Variants in TG observed in about 807,000 individuals in gnomAD.
TG encodes the protein thyroglobulin, also known as thyroid hormones.
In TG, 270 loss-of-function variants were observed where a neutral mutation model predicts 324.7. The observed-to-expected ratio is 0.83, with a 90% confidence interval of 0.75 to 0.92. The LOEUF (loss-of-function observed/expected upper bound fraction) is 0.92, where lower values mean the gene tolerates loss of function less well. Ranked by LOEUF, TG falls within the 40% of genes least tolerant of loss-of-function variation. The pLI, the probability that TG is intolerant of heterozygous loss-of-function variation, is 0.00. For synonymous variants in TG, 1,401 were observed against 1,327.0 expected, an observed-to-expected ratio of 1.06 and a Z score of -1.21; for missense variants, 3,591 against 3,456.4, an observed-to-expected ratio of 1.04 and a Z score of -0.98.
At chr8:132,906,230 CA>C (rs1818658390) in intron 16 of TG, among the ~76,000 whole-genome samples, 1 of 152,066 alleles carries the variant, frequency 6.6e-6, no homozygotes, top group Admixed American at 6.6e-5. Flanking sequence ...GTGACCAAGA[CA>C]GAGGAGATGA....
chr8:133,117,862 C>T (rs1364675797), intron 45 of TG, among the ~76,000 whole-genome samples: 1 of 152,206 alleles, frequency 6.6e-6, no homozygotes, highest in Non-Finnish European at 1.5e-5. Context: ...GGTCCAGCCA[C>T]ACCATATACC....
intron 41 of TG, chr8:133,049,947 C>A: frequency 6.2e-7 from 1 of 1,613,712 alleles, no homozygotes; most frequent in Non-Finnish European, 8.5e-7. Context: ...GTAACTCTCT[C>A]GACCAGTGCT....
chr8:132,900,400 G>A, intron 15 of TG, 61 bp downstream of exon 15: 1 of 1,497,332 alleles, frequency 6.7e-7, no homozygotes, highest in Non-Finnish European at 9.1e-7. Flanking sequence ...TGAGCGTGGA[G>A]TCCAAAGAGC....
At chr8:132,961,374 C>T (rs182885946) in intron 28 of TG, among the ~76,000 whole-genome samples, 43 of 152,282 alleles carry the variant, frequency 2.8e-4, no homozygotes, top group Non-Finnish European at 5.1e-4. Flanking sequence ...AGTTCAGGGC[C>T]ATTGCAAAGC....
At chr8:132,999,835 G>A (rs1300832080) in intron 35 of TG, among the ~76,000 whole-genome samples, 1 of 152,066 alleles carries the variant, frequency 6.6e-6, no homozygotes, top group Non-Finnish European at 1.5e-5. Context: ...TGTCCTGAAG[G>A]CTTACATTGT....
chr8:133,013,457 G>A (rs2130895852), intron 36 of TG, 143 bp from the exon 37 acceptor site: 1 of 989,810 alleles, frequency 1.0e-6, no homozygotes, highest in Non-Finnish European at 1.6e-6. Flanking sequence ...ATAGACGGAT[G>A]GATTCATGGA....
chr8:132,910,101 A>G (rs1819291115), intron 18 of TG, among the ~76,000 whole-genome samples: 1 of 152,186 alleles, frequency 6.6e-6, no homozygotes, highest in South Asian at 2.1e-4. Context: ...TTAAATGACA[A>G]CTATATGAAC....
intron 34 of TG, among the ~76,000 whole-genome samples, chr8:132,978,726 T>C (rs959531661): frequency 1.3e-5 from 2 of 152,016 alleles, no homozygotes; most frequent in South Asian, 4.2e-4. Flanking sequence ...TGACTAGCCA[T>C]AGGCAGTAGG....
At chr8:133,114,756 C>G (rs1247152484) in intron 44 of TG, among the ~76,000 whole-genome samples, 1 of 152,150 alleles carries the variant, frequency 6.6e-6, no homozygotes, top group Non-Finnish European at 1.5e-5. Flanking sequence ...GGGGACAGAG[C>G]CAATGTCAAG....
intron 33 of TG, 87 bp downstream of exon 33, chr8:132,971,960 C>A: frequency 2.1e-6 from 2 of 958,822 alleles, no homozygotes; most frequent in Non-Finnish European, 3.4e-6. Flanking sequence ...TACAAATCCT[C>A]AGCATCTCCT....
intron 41 of TG, among the ~76,000 whole-genome samples, chr8:133,090,817 C>T (rs1036395753): frequency 3.9e-5 from 6 of 152,126 alleles, no homozygotes; most frequent in Non-Finnish European, 5.9e-5. Context: ...AATTAAAACC[C>T]CAGTCTATCT....
chr8:132,914,967 AGTGT>A (rs139806753), intron 20 of TG, among the ~76,000 whole-genome samples: 1 of 151,508 alleles, frequency 6.6e-6, no homozygotes. Context: ...TGTGTGTATG[AGTGT>A]GTGTGTGTAT....
At chr8:133,095,540 G>A (rs902630523) in intron 42 of TG, among the ~76,000 whole-genome samples, 2 of 152,208 alleles carry the variant, frequency 1.3e-5, no homozygotes, top group Non-Finnish European at 2.9e-5. Context: ...GGACCGTGGT[G>A]GGCAGGGGAC....
chr8:132,971,666 C>T, intron 32 of TG, 128 bp from the exon 33 acceptor site: 2 of 722,542 alleles, frequency 2.8e-6, no homozygotes, highest in South Asian at 3.0e-5. Flanking sequence ...CAAAGCACCC[C>T]CAGTTTAAGT....
chr8:133,014,109 G>A (rs1281383384), intron 37 of TG, among the ~76,000 whole-genome samples: 1 of 152,158 alleles, frequency 6.6e-6, no homozygotes, highest in Non-Finnish European at 1.5e-5. Context: ...GGCAGGATAA[G>A]GGCTTTATCC....
intron 35 of TG, among the ~76,000 whole-genome samples, chr8:133,003,593 C>A (rs567245166): frequency 6.6e-6 from 1 of 151,942 alleles, no homozygotes; most frequent in South Asian, 2.1e-4. Context: ...ATAATCTGTC[C>A]GTTAAAAATA....
chr8:132,906,618 A>G, intron 16 of TG, 70 bp from the exon 17 acceptor site: 1 of 1,572,598 alleles, frequency 6.4e-7, no homozygotes, highest in Non-Finnish European at 8.7e-7. Flanking sequence ...GGAGACACCC[A>G]CAAGCAGGCA....
At chr8:132,948,981 A>G (rs1369348503) in intron 27 of TG, 38 bp downstream of exon 27, 1 of 1,596,228 alleles carries the variant, frequency 6.3e-7, no homozygotes, top group Admixed American at 1.7e-5. Flanking sequence ...TTTCAAAATT[A>G]CTCTTCACAC....
intron 11 of TG, among the ~76,000 whole-genome samples, chr8:132,895,882 C>A (rs1047058294): frequency 1.3e-5 from 2 of 152,164 alleles, no homozygotes; most frequent in African/African-American, 4.8e-5. Context: ...CTTCAGAAGT[C>A]GAGCTGAGAA....
Sources: allele counts gnomAD v4.1 joint callset (sites outside exome capture counted in the v4.1 genomes callset), GRCh38; gene constraint gnomAD v4.1.1; transcripts MANE v1.5; gene names NCBI Gene and HGNC (gene_info 2026-07-23, HGNC 2026-07-21).